MAP4K1: variants seen among roughly 807,000 people sequenced by gnomAD.
MAP4K1 encodes the protein mitogen-activated protein kinase kinase kinase kinase 1.
MAP4K1 carries 35 observed loss-of-function variants against 122.8 expected under a neutral mutation model. The observed-to-expected ratio is 0.29, with a 90% CI of 0.22 to 0.38. The LOEUF (loss-of-function observed/expected upper bound fraction) is 0.38, where lower values mean the gene tolerates loss of function less well. MAP4K1 is among the 10% of genes least tolerant of loss of function. The probability of loss-of-function intolerance (pLI) is 1.00; values close to 1 mark genes in which losing one functional copy is unlikely to be tolerated. For synonymous variants in MAP4K1, 412 were observed against 421.3 expected, an observed-to-expected ratio of 0.98 and a Z score of 0.27; for missense variants, 791 against 1,072.6, an observed-to-expected ratio of 0.74 and a Z score of 3.67.
chr19:38,591,494 TCCAG>T (rs1208906332), intron 30 of MAP4K1, among the ~76,000 whole-genome samples: 2 of 131,686 alleles, frequency 1.5e-5, no homozygotes, highest in Non-Finnish European at 3.1e-5. Context: ...TCCACTGCAC[TCCAG>T]CCTGGGCCAC....
At chr19:38,602,661 C>T (rs548921405) in intron 19 of MAP4K1, among the ~76,000 whole-genome samples, 11 of 138,120 alleles carry the variant, frequency 8.0e-5, no homozygotes, top group East Asian at 4.4e-4. Context: ...TACATATATA[C>T]ACATGTACAT....
intron 11 of MAP4K1, 22 bp downstream of exon 11, chr19:38,611,029 A>T: frequency 6.3e-7 from 1 of 1,595,100 alleles, no homozygotes; most frequent in Non-Finnish European, 8.6e-7. Flanking sequence ...TAGGCTGAGG[A>T]TCTTGGGGAA....
At position 38,596,326 on chromosome 19, in the gene MAP4K1, C is replaced by G; in HGVS notation, c.2102G>C (p.Gly701Ala). The change falls in exon 26 of 31, where the codon GGC (glycine) becomes GCC (alanine). Residue 701 changes from glycine (G) to alanine (A), a missense_variant. This residue lies in a region of MAP4K1 where 267 missense variants were observed against 323.0 expected (regional missense o/e 0.83). Coordinates refer to ENST00000396857, the MANE Select transcript of MAP4K1 (RefSeq NM_001042600.3). ...GCCCCACTCACCGGTGCTCATCTCGCCCAGCCAGCAAGAGAGCGCGCCAAA... is the reference window on the plus strand; with the variant it reads ...GCCCCACTCACCGGTGCTCATCTCGGCCAGCCAGCAAGAGAGCGCGCCAAA... ...VRFGALSCWL[G>A]EMSTEHRGPV... The G allele has an allele frequency of 6.3e-7, 1 of 1,588,076 alleles. No individual in the cohort carries two copies.
At chr19:38,602,702 A>G (rs1312365352) in intron 19 of MAP4K1, among the ~76,000 whole-genome samples, 4 of 148,296 alleles carry the variant, frequency 2.7e-5, no homozygotes, top group African/African-American at 7.5e-5. Context: ...ACACACATAT[A>G]CATGTATACA....
chr19:38,589,478 C>T (rs571147837), intron 30 of MAP4K1, among the ~76,000 whole-genome samples: 56 of 150,460 alleles, frequency 3.7e-4, no homozygotes, highest in African/African-American at 1.3e-3. Context: ...TGCAATGGCG[C>T]GATCTCGGCT....
At chr19:38,594,849 G>A (rs2145934376) in intron 29 of MAP4K1, among the ~76,000 whole-genome samples, 1 of 152,128 alleles carries the variant, frequency 6.6e-6, no homozygotes, top group Middle Eastern at 3.4e-3. Context: ...GCTGAGGCAG[G>A]AGAATTCTTT....
At chr19:38,593,225 T>C in intron 30 of MAP4K1, 57 bp downstream of exon 30, 1 of 1,536,452 alleles carries the variant, frequency 6.5e-7, no homozygotes, top group South Asian at 1.2e-5. Context: ...CTCAGAATGC[T>C]CTCTTCACAT....
At position 38,596,479 on chromosome 19, in the gene MAP4K1, A is replaced by T. The variant is rs759042023; in HGVS notation, c.1949T>A (p.Leu650Gln). ...MNKFLLVRQV[L>Q]FPLPTPLSVF... ...GGACAGAGGCGTCGGCAGTGGGAAC[A>T]GCACCTGCTGCGGGCCGCACAGGGA... The change falls in exon 26 of 31, where the codon CTG becomes CAG. Residue 650 changes from leucine to glutamine, a missense_variant. Transcript: ENST00000396857. 1.1e-5 allele frequency: 17 copies of T among 1,561,652 alleles called. No individual in the cohort carries two copies. Among genetic ancestry groups the T allele is most frequent in the Non-Finnish European group, 1.5e-5 (17 of 1,156,530 alleles).
At chr19:38,593,462 G>A (rs1008092279) in intron 29 of MAP4K1, 125 bp from the exon 30 acceptor site, 25 of 743,256 alleles carry the variant, frequency 3.4e-5, no homozygotes, top group Non-Finnish European at 4.9e-5. Flanking sequence ...CAGCACTTTG[G>A]GAGGCCGAAG....
At chr19:38,607,943 C>T (rs1202893507) in intron 15 of MAP4K1, 32 bp from the exon 16 acceptor site, 6 of 1,612,012 alleles carry the variant, frequency 3.7e-6, no homozygotes, top group South Asian at 3.3e-5. Context: ...CCTTGGGGGC[C>T]TTGTCCACAT....
intron 18 of MAP4K1, 33 bp downstream of exon 18, chr19:38,605,535 C>T (rs750920777): frequency 6.5e-7 from 1 of 1,532,052 alleles, no homozygotes; most frequent in East Asian, 2.4e-5. Context: ...AACCCCCAAC[C>T]CTCCCGCCCT....
intron 30 of MAP4K1, among the ~76,000 whole-genome samples, chr19:38,588,728 G>A (rs1453229193): frequency 1.3e-5 from 2 of 151,192 alleles, no homozygotes; most frequent in Admixed American, 6.6e-5. Flanking sequence ...CTCCAGCCTG[G>A]GCGACAGAGC....
In MAP4K1 at chr19:38,608,755, G is replaced by A. The variant is rs146969454; in HGVS notation, c.1007-585C>T. Among the ~76,000 whole-genome samples the A allele has an allele frequency of 5.4e-3, 678 of 126,548 alleles. 2 individuals carry two copies. Among genetic ancestry groups the A allele is most frequent in the Non-Finnish European group, 8.3e-3 (534 of 64,228 alleles). 83.0% of individuals were successfully genotyped at this position (126,548 alleles called of 152,430 possible). On this transcript the variant is annotated intron_variant, in intron 13 of 30. Coordinates refer to ENST00000396857, the MANE Select transcript of MAP4K1 (RefSeq NM_001042600.3). ...GCAGAGGTTTTGGTGAGCCAAGATC[G>A]CACCATCGCACTCCAGCCTGGGCGA...
At chr19:38,599,033 A>AAAGGAC (rs1974978097) in intron 22 of MAP4K1, among the ~76,000 whole-genome samples, 1 of 147,660 alleles carries the variant, frequency 6.8e-6, no homozygotes, top group Admixed American at 6.8e-5. Context: ...AAAAAAAAAA[A>AAAGGAC]AAGGACTAAT....
At chr19:38,603,572 C>G (rs568849164) in intron 19 of MAP4K1, among the ~76,000 whole-genome samples, 1 of 152,178 alleles carries the variant, frequency 6.6e-6, no homozygotes, top group East Asian at 1.9e-4. Context: ...CAACCAGGCA[C>G]GGCTGTAATC....
chr19:38,603,379 T>TAC (rs1975219547), intron 19 of MAP4K1, among the ~76,000 whole-genome samples: 1 of 151,096 alleles, frequency 6.6e-6, no homozygotes, highest in Non-Finnish European at 1.5e-5. Context: ...TATACATATA[T>TAC]ACACATGTAC....
chr19:38,613,729 C>T (rs1366428358), intron 8 of MAP4K1, 151 bp downstream of exon 8: 3 of 636,638 alleles, frequency 4.7e-6, no homozygotes, highest in Admixed American at 5.9e-5. Flanking sequence ...AAATGGAAAA[C>T]TCAAGCGACA....
At chr19:38,589,922 C>T (rs965554369) in intron 30 of MAP4K1, among the ~76,000 whole-genome samples, 12 of 151,670 alleles carry the variant, frequency 7.9e-5, no homozygotes, top group Non-Finnish European at 1.6e-4. Context: ...CCCAGCTACC[C>T]GGGAGGTTGA....
Position 38,617,788 on chromosome 19 carries a change from C to T in MAP4K1, c.99+9G>A. 1 of 1,613,976 alleles carries T rather than the reference C, an allele frequency of 6.2e-7. No individual in the cohort carries two copies. Among genetic ancestry groups the T allele is most frequent in the Non-Finnish European group, 8.5e-7 (1 of 1,179,862 alleles). ...TTGTAGGGTGTTGGGGACAGAGGGG[C>T]TTCCTCACCTTAAAGACTTCCCCAT... On this transcript the variant is annotated intron_variant, in intron 1 of 30. Coordinates refer to ENST00000396857, the MANE Select transcript of MAP4K1 (RefSeq NM_001042600.3). This position sits in a 1 kb window ranked among gnomAD's most constrained non-coding sequence, Gnocchi z 4.1.
Sources: gnomAD v4.1 joint callset for allele counts (sites outside exome capture counted in the v4.1 genomes callset) on GRCh38, gnomAD v4.1.1 for gene constraint, gnomAD v4.1.1 regional missense constraint, Gnocchi (gnomAD v3.1) non-coding constraint, MANE v1.5 for transcripts, NCBI Gene and HGNC (gene_info 2026-07-23, HGNC 2026-07-21) for gene names.